Variants in DEF6 observed in about 807,000 individuals in gnomAD.
DEF6 encodes differentially expressed in FDCP 6 homolog.
In DEF6, 32 loss-of-function variants were observed where a neutral mutation model predicts 80.5. The ratio of observed to expected loss-of-function variants is 0.40; its 90% CI spans 0.30 to 0.53. The LOEUF (loss-of-function observed/expected upper bound fraction) is 0.53. Among genes scored for constraint, DEF6 ranks in the 20% least tolerant of loss-of-function variants. The pLI, the probability that DEF6 is intolerant of heterozygous loss-of-function variation, is 0.57. For synonymous variants in DEF6, 300 were observed against 337.9 expected (o/e 0.89, Z 1.23); for missense variants, 575 against 818.7 (o/e 0.70, Z 3.63).
intron 5 of DEF6, chr6:35,316,038 T>TA (rs1791521724): frequency 5.9e-6 from 1 of 168,470 alleles, no homozygotes. Context: ...TTTTTTTTTT[T>TA]TTGTATTTTT....
chr6:35,307,394 G>A (rs1181401473), intron 1 of DEF6, among the ~76,000 whole-genome samples: 2 of 152,196 alleles, frequency 1.3e-5, no homozygotes, highest in South Asian at 2.1e-4. Flanking sequence ...TTTGGAACGC[G>A]TCTCAAAAAA....
intron 5 of DEF6, among the ~76,000 whole-genome samples, chr6:35,314,407 C>CAAA (rs34185807): frequency 1.0e-5 from 1 of 99,268 alleles, no homozygotes; most frequent in Non-Finnish European, 2.1e-5. Context: ...AACTCTATCT[C>CAAA]AAAAAAAAAA....
At chr6:35,315,847 CTTTTTTTTTTT>C (rs1159503411) in intron 5 of DEF6, among the ~76,000 whole-genome samples, 76 of 113,848 alleles carry the variant, frequency 6.7e-4, no homozygotes, top group African/African-American at 2.4e-3. Context: ...GTTGGAGTCC[CTTTTTTTTTTT>C]TTTTTTTTTT....
At chr6:35,321,059 C>G in intron 10 of DEF6, 85 bp downstream of exon 10, 3 of 1,563,228 alleles carry the variant, frequency 1.9e-6, no homozygotes, top group Admixed American at 1.7e-5. Flanking sequence ...ACCTCCAGAT[C>G]TCCCAGGGCC....
chr6:35,303,047 C>A (rs183250036), intron 1 of DEF6, among the ~76,000 whole-genome samples: 20 of 152,286 alleles, frequency 1.3e-4, no homozygotes, highest in African/African-American at 4.8e-4. Context: ...CCTAGTCACA[C>A]CCTCTCTCCA....
chr6:35,301,761 CTGT>C (rs1791318179), intron 1 of DEF6, among the ~76,000 whole-genome samples: 1 of 125,324 alleles, frequency 8.0e-6, no homozygotes, highest in African/African-American at 2.9e-5. Context: ...GAGTCTTGCT[CTGT>C]CACCCAGGTT....
In DEF6 at chr6:35,307,288, A is replaced by T. The variant is rs767488002; in HGVS notation, c.97-2382A>T. Among the ~76,000 whole-genome samples the T allele has an allele frequency of 1.4e-4, 21 of 152,222 alleles. 3 individuals carry two copies. The highest frequency in any genetic ancestry group is 2.9e-5 in the Non-Finnish European group (2 of 68,038). ...GTGGCACGCGTCAGCAATCCCAGCT[A>T]CTCAGGAGGCTGAGGCAGGAGAATC... On this transcript the variant is annotated intron_variant, in intron 1 of 10. Coordinates refer to ENST00000316637, the MANE Select transcript of DEF6 (RefSeq NM_022047.4).
chr6:35,307,327 A>G (rs1582228945), intron 1 of DEF6, among the ~76,000 whole-genome samples: 1 of 152,390 alleles, frequency 6.6e-6, no homozygotes, highest in South Asian at 2.1e-4. Flanking sequence ...TGAACCTGGG[A>G]GGCGGAGGTT....
At chr6:35,310,405 G>C (rs1459442357) in intron 2 of DEF6, 54 bp from the exon 3 acceptor site, 1 of 1,593,958 alleles carries the variant, frequency 6.3e-7, no homozygotes, top group African/African-American at 1.3e-5. Context: ...CTGGAGCCTA[G>C]TGTCGTGGTA....
intron 1 of DEF6, among the ~76,000 whole-genome samples, chr6:35,306,174 G>A (rs964249123): frequency 1.3e-5 from 2 of 151,002 alleles, no homozygotes; most frequent in East Asian, 2.0e-4. Flanking sequence ...GATTACAGGC[G>A]TGAGCCCCTG....
intron 5 of DEF6, among the ~76,000 whole-genome samples, chr6:35,315,068 T>C (rs1791509166): frequency 6.6e-6 from 1 of 152,248 alleles, no homozygotes; most frequent in South Asian, 2.1e-4. Flanking sequence ...TTGTCAAAAA[T>C]GAGTTCTCTG....
intron 9 of DEF6, 100 bp from the exon 10 acceptor site, chr6:35,320,784 G>A (rs1791581494): frequency 3.0e-6 from 3 of 1,007,600 alleles, no homozygotes; most frequent in Non-Finnish European, 4.5e-6. Flanking sequence ...ATGATCAGTA[G>A]TCTTGGTCAG....
In DEF6 at chr6:35,321,298, C is replaced by A. The variant is rs373112176; in HGVS notation, c.1784C>A (p.Thr595Asn). 5 of 1,613,980 alleles carry A rather than the reference C, an allele frequency of 3.1e-6. No homozygotes were observed. Among genetic ancestry groups the A allele is most frequent in the Non-Finnish European group, 4.2e-6 (5 of 1,180,024 alleles). Residue 595 changes from threonine to asparagine, a missense_variant, in exon 11 of 11, where the codon ACC (threonine) becomes AAC (asparagine). Physicochemically the swap from Thr to Asn is moderately conservative, Grantham distance 65. Coordinates refer to ENST00000316637, the MANE Select transcript of DEF6 (RefSeq NM_022047.4). ...LTRWGSQGNR[T>N]PSPNSNEQQK... is the part of the protein sequence containing the mutation. ...CGCTGGGGATCCCAGGGCAACAGGACCCCCTCGCCCAACAGCAATGAGCAG... is the reference window on the plus strand; with the variant it reads ...CGCTGGGGATCCCAGGGCAACAGGAACCCCTCGCCCAACAGCAATGAGCAG...
chr6:35,317,849 C>A (rs1429512929), intron 5 of DEF6, 42 bp from the exon 6 acceptor site: 3 of 1,577,984 alleles, frequency 1.9e-6, no homozygotes, highest in Non-Finnish European at 2.6e-6. Context: ...GGGCCCTGAC[C>A]CAGTGAGGCC....
At chr6:35,300,178 C>T (rs1319074812) in intron 1 of DEF6, among the ~76,000 whole-genome samples, 2 of 152,130 alleles carry the variant, frequency 1.3e-5, no homozygotes, top group East Asian at 1.9e-4. Context: ...CATGCCACCA[C>T]GCCTGGCTAA....
chr6:35,309,491 G>A (rs1791434823), intron 1 of DEF6, among the ~76,000 whole-genome samples, 179 bp from the exon 2 acceptor site: 1 of 152,188 alleles, frequency 6.6e-6, no homozygotes, highest in African/African-American at 2.4e-5. Flanking sequence ...GATATGTAAA[G>A]TACTTTAGCT....
chr6:35,317,871 G>A lies in DEF6; in HGVS notation c.808-20G>A. 1.2e-6 allele frequency: 2 copies of A among 1,607,722 alleles called. No individual in the cohort carries two copies. The highest frequency in any genetic ancestry group is 1.7e-6 in the Non-Finnish European group (2 of 1,177,002). ...GACCCAGTGAGGCCAGCCTGGCTGC[G>A]GCCACCTACCCTGTGCCAGGTGCTG... On this transcript the variant is annotated intron_variant, in intron 5 of 10. Coordinates refer to ENST00000316637, the MANE Select transcript of DEF6 (RefSeq NM_022047.4).
intron 5 of DEF6, chr6:35,313,509 T>C (rs1014624176): frequency 9.5e-6 from 3 of 314,360 alleles, no homozygotes; most frequent in African/African-American, 6.8e-5. Flanking sequence ...CAATAGATTA[T>C]TGTAAACTGT....
chr6:35,308,243 C>T (rs982167822), intron 1 of DEF6, among the ~76,000 whole-genome samples: 3 of 151,992 alleles, frequency 2.0e-5, no homozygotes, highest in African/African-American at 7.3e-5. Context: ...GTATAAAAAG[C>T]GCTTTGACTG....
Sources: gnomAD v4.1 joint callset for allele counts (sites outside exome capture counted in the v4.1 genomes callset) on GRCh38, gnomAD v4.1.1 for gene constraint, MANE v1.5 for transcripts, NCBI Gene and HGNC (gene_info 2026-07-23, HGNC 2026-07-21) for gene names.